Variants in SLC24A2 observed in about 807,000 individuals in gnomAD.
The protein encoded by SLC24A2 is solute carrier family 24 member 2, also known as sodium/potassium/calcium exchanger 2.
A neutral mutation model predicts 62.0 loss-of-function variants in SLC24A2; 36 were observed. That is an observed-to-expected ratio of 0.58 (90% CI 0.44 to 0.77). The LOEUF (loss-of-function observed/expected upper bound fraction) is 0.77. Ranked by LOEUF, SLC24A2 falls within the 30% of genes least tolerant of loss-of-function variation. The probability of loss-of-function intolerance (pLI) is 0.00; values close to 1 mark genes in which losing one functional copy is unlikely to be tolerated. For missense variants in SLC24A2, 846 were observed against 817.9 expected (o/e 1.03, Z -0.42); for synonymous variants, 358 against 294.0 (o/e 1.22, Z -2.23).
intron 2 of SLC24A2, among the ~76,000 whole-genome samples, chr9:19,676,182 C>T (rs189178141): frequency 1.3e-5 from 2 of 152,224 alleles, no homozygotes; most frequent in East Asian, 3.9e-4. Context: ...GTGGATGATC[C>T]CCCTTTCACA....
At chr9:19,896,137 T>C in the SLC24A2 span, among the ~76,000 whole-genome samples, 1 of 152,174 alleles carries the variant, frequency 6.6e-6, no homozygotes, top group Non-Finnish European at 1.5e-5. Context: ...GCTCCTTTCC[T>C]TTCATGCCTG....
the SLC24A2 span, among the ~76,000 whole-genome samples, chr9:19,820,650 A>G: frequency 1.3e-5 from 2 of 151,914 alleles, no homozygotes; most frequent in Non-Finnish European, 2.9e-5. Context: ...ACACAAGGTA[A>G]TGGATTAATG....
At chr9:20,261,784 G>C in the SLC24A2 span, among the ~76,000 whole-genome samples, 1 of 112,292 alleles carries the variant, frequency 8.9e-6, no homozygotes, top group Non-Finnish European at 1.6e-5. Flanking sequence ...CTGTCACTCA[G>C]ACTGGAGTGC....
chr9:19,895,546 C>CTTTCTTTTT, the SLC24A2 span, among the ~76,000 whole-genome samples: 1 of 135,332 alleles, frequency 7.4e-6, no homozygotes, highest in Non-Finnish European at 1.6e-5. Context: ...TTCTTTCTTT[C>CTTTCTTTTT]TTTTTTTTTT....
chr9:20,210,233 G>A, the SLC24A2 span, among the ~76,000 whole-genome samples: 1 of 152,168 alleles, frequency 6.6e-6, no homozygotes, highest in Non-Finnish European at 1.5e-5. Context: ...CCCAGCACCT[G>A]GCAGGATGGC....
chr9:19,516,915 G>A (rs1375127596), intron 10 of SLC24A2, among the ~76,000 whole-genome samples: 2 of 152,136 alleles, frequency 1.3e-5, no homozygotes, highest in South Asian at 2.1e-4. Context: ...TGGGGGCCAC[G>A]ATACAATATC....
intron 2 of SLC24A2, among the ~76,000 whole-genome samples, chr9:19,741,096 T>A (rs1265707939): frequency 6.6e-6 from 1 of 152,202 alleles, no homozygotes; most frequent in East Asian, 1.9e-4. Flanking sequence ...TCACCCTTCC[T>A]GGGCACTTAA....
At chr9:20,084,027 G>C in the SLC24A2 span, among the ~76,000 whole-genome samples, 4 of 152,212 alleles carry the variant, frequency 2.6e-5, no homozygotes, top group South Asian at 8.3e-4. Flanking sequence ...CCAATGGTCA[G>C]AGCTTGCTTG....
chr9:19,789,467 G>T (rs867935794), upstream of SLC24A2, among the ~76,000 whole-genome samples: 18 of 152,368 alleles, frequency 1.2e-4, no homozygotes, highest in African/African-American at 4.3e-4. Context: ...AGGACAGGCT[G>T]TTGGGGTCCA....
At chr9:19,770,419 T>C (rs1356021142) in intron 2 of SLC24A2, among the ~76,000 whole-genome samples, 2 of 152,146 alleles carry the variant, frequency 1.3e-5, no homozygotes, top group Non-Finnish European at 2.9e-5. Flanking sequence ...GATAGTCACA[T>C]TAGAGCAATC....
At chr9:19,522,546 G>C (rs1833253016) in intron 9 of SLC24A2, among the ~76,000 whole-genome samples, 1 of 152,120 alleles carries the variant, frequency 6.6e-6, no homozygotes, top group African/African-American at 2.4e-5. Flanking sequence ...ATTCCTACTA[G>C]CTTAAAAGCA....
At chr9:19,590,931 T>C (rs770740915) in intron 5 of SLC24A2, among the ~76,000 whole-genome samples, 1 of 152,212 alleles carries the variant, frequency 6.6e-6, no homozygotes, top group Admixed American at 6.5e-5. Flanking sequence ...GGTCAATTCA[T>C]TGATGCGGTC....
chr9:20,120,481 T>G, the SLC24A2 span, among the ~76,000 whole-genome samples: 1 of 152,096 alleles, frequency 6.6e-6, no homozygotes, highest in African/African-American at 2.4e-5. Flanking sequence ...CTTGTTCTCA[T>G]AAGTGAGAGC....
At chr9:20,168,811 T>G in the SLC24A2 span, among the ~76,000 whole-genome samples, 1 of 151,968 alleles carries the variant, frequency 6.6e-6, no homozygotes, top group African/African-American at 2.4e-5. Flanking sequence ...CCTCAAAAAG[T>G]TATAGAACTA....
At chr9:19,911,331 G>T in the SLC24A2 span, among the ~76,000 whole-genome samples, 1 of 151,996 alleles carries the variant, frequency 6.6e-6, no homozygotes, top group African/African-American at 2.4e-5. Context: ...TGGACATTTG[G>T]GTTGGTTCCA....
the SLC24A2 span, among the ~76,000 whole-genome samples, chr9:19,799,502 T>C: frequency 5.9e-5 from 9 of 152,148 alleles, no homozygotes; most frequent in African/African-American, 1.7e-4. Flanking sequence ...GCTCATGAAG[T>C]TTGGAGAGGA....
the SLC24A2 span, among the ~76,000 whole-genome samples, chr9:20,182,544 C>T: frequency 6.6e-6 from 1 of 152,166 alleles, no homozygotes; most frequent in Non-Finnish European, 1.5e-5. Flanking sequence ...GACAGGAAAC[C>T]AAACACTGCA....
At chr9:19,846,752 C>T in the SLC24A2 span, among the ~76,000 whole-genome samples, 3 of 151,942 alleles carry the variant, frequency 2.0e-5, no homozygotes, top group African/African-American at 7.3e-5. Context: ...TGGGGCTGGG[C>T]ACAGTAGCTC....
the SLC24A2 span, among the ~76,000 whole-genome samples, chr9:20,241,672 T>C: frequency 6.6e-6 from 1 of 152,098 alleles, no homozygotes; most frequent in African/African-American, 2.4e-5. Context: ...TAAATTGCCA[T>C]CTGTCCTAGG....
Sources: gnomAD v4.1 joint callset for allele counts (sites outside exome capture counted in the v4.1 genomes callset) on GRCh38, gnomAD v4.1.1 for gene constraint, MANE v1.5 for transcripts, NCBI Gene and HGNC (gene_info 2026-07-23, HGNC 2026-07-21) for gene names.